The following CCNYL1 variants were observed in gnomAD, a reference collection of about 807,000 sequenced individuals.
CCNYL1 encodes cyclin-Y-like protein 1.
CCNYL1 carries 16 observed loss-of-function variants against 44.2 expected under a neutral mutation model. The ratio of observed to expected loss-of-function variants is 0.36; its 90% CI spans 0.25 to 0.55. CCNYL1 has a LOEUF of 0.55. Ranked by LOEUF, CCNYL1 falls within the 20% of genes least tolerant of loss-of-function variation. The pLI, the probability that CCNYL1 is intolerant of heterozygous loss-of-function variation, is 0.85. For synonymous variants in CCNYL1, 159 were observed against 163.2 expected, an observed-to-expected ratio of 0.97 and a Z score of 0.20; for missense variants, 348 against 451.8, an observed-to-expected ratio of 0.77 and a Z score of 2.08.
chr2:207,749,057 T>C (rs2091874521), intron 8 of CCNYL1, among the ~76,000 whole-genome samples: 1 of 152,212 alleles, frequency 6.6e-6, no homozygotes, highest in South Asian at 2.1e-4. Context: ...GGTGCTCTAG[T>C]TCAAGATACA....
Position 207,711,763 on chromosome 2 carries a change from T to C in CCNYL1, c.-134T>C. ...GAACCGCGGGCGAGGCGGCGTCTGC[T>C]TGCGCGGTGCAGCCCCAGCGTAGCC... On this transcript the variant is annotated 5_prime_UTR_variant, in exon 1 of 10. Transcript: ENST00000295414. 3 of 491,460 alleles carry C rather than the reference T, an allele frequency of 6.1e-6. No homozygotes were observed. Among genetic ancestry groups the C allele is most frequent in the Non-Finnish European group, 9.6e-6 (3 of 313,522 alleles). The allele number at this position is 491,460 out of a possible 1,614,324, so 30.4% of individuals were successfully genotyped here.
intron 8 of CCNYL1, among the ~76,000 whole-genome samples, chr2:207,748,926 A>T (rs34092649): frequency 0.022 from 3,409 of 152,350 alleles, 52 homozygotes; most frequent in Non-Finnish European, 0.033. Context: ...AGTGACTTTG[A>T]TCACTGCTGT....
chr2:207,731,712 G>C (rs1441532512), intron 3 of CCNYL1, among the ~76,000 whole-genome samples: 1 of 151,732 alleles, frequency 6.6e-6, no homozygotes, highest in African/African-American at 2.4e-5. Context: ...CTAGTCTCAA[G>C]AGATATAGTG....
intron 1 of CCNYL1, among the ~76,000 whole-genome samples, chr2:207,720,244 A>G (rs2091630471): frequency 6.6e-6 from 1 of 150,770 alleles, no homozygotes; most frequent in African/African-American, 2.4e-5. Context: ...TTTCAGATAT[A>G]TGGCATATAG....
rs2091774342 is a variant in CCNYL1, at chr2:207,737,452, C to T, written c.467+6C>T. The T allele has an allele frequency of 6.2e-7, 1 of 1,607,932 alleles. No homozygotes were observed. The highest frequency in any genetic ancestry group is 1.3e-5 in the African/African-American group (1 of 74,732). On this transcript the variant is annotated splice_donor_region_variant and intron_variant, in intron 5 of 9. Coordinates refer to ENST00000295414, the MANE Select transcript of CCNYL1 (RefSeq NM_001330218.2). ...TATTACCACATAAAGAACAGGTGAG[C>T]TCCTTTAAAACCTGTCTTGTTATTC... is the stretch of plus-strand genomic sequence containing the variant.
Position 207,711,902 on chromosome 2 carries a change from G to T in CCNYL1, c.6G>T (p.Gly2=). ...GAGAGGAGCGGAGGCTTCCCATGGG[G>T]AACACGCTGACCTGTTGCGTGTCCC... M[G]NTLTCCVSPN... The change falls in exon 1 of 10, where the codon GGG becomes GGT. Residue 2 remains glycine (G), a synonymous_variant. Transcript: ENST00000295414. The T allele has an allele frequency of 7.2e-7, 1 of 1,384,700 alleles. No homozygotes were observed. The highest frequency in any genetic ancestry group is 1.6e-5 in the South Asian group (1 of 60,976). The allele number at this position is 1,384,700 out of a possible 1,614,324, so 85.8% of individuals were successfully genotyped here.
intron 2 of CCNYL1, among the ~76,000 whole-genome samples, chr2:207,725,749 A>G (rs2091675467): frequency 6.6e-6 from 1 of 151,924 alleles, no homozygotes; most frequent in African/African-American, 2.4e-5. Flanking sequence ...ACTTACGTAC[A>G]TTTTCCTTGT....
chr2:207,751,176 G>A, intron 9 of CCNYL1, 57 bp downstream of exon 9: 1 of 1,466,428 alleles, frequency 6.8e-7, no homozygotes, highest in Non-Finnish European at 9.4e-7. Flanking sequence ...GCCAACATCT[G>A]TGACTAAATC....
chr2:207,734,570 A>G (rs1243791881), intron 4 of CCNYL1, among the ~76,000 whole-genome samples: 1 of 132,738 alleles, frequency 7.5e-6, no homozygotes, highest in Non-Finnish European at 1.8e-5. Flanking sequence ...TTTCAAGTTT[A>G]TTTAAAAACC....
At chr2:207,728,760 A>T (rs887390769) in intron 3 of CCNYL1, among the ~76,000 whole-genome samples, 1 of 151,962 alleles carries the variant, frequency 6.6e-6, no homozygotes, top group East Asian at 1.9e-4. Context: ...TATCCCTGAG[A>T]TCCTGAAATT....
chr2:207,731,394 T>C (rs971734084), intron 3 of CCNYL1, among the ~76,000 whole-genome samples: 1 of 152,178 alleles, frequency 6.6e-6, no homozygotes, highest in Non-Finnish European at 1.5e-5. Flanking sequence ...ACCCCTTCCC[T>C]TTCTTGTTAA....
chr2:207,711,955 G>T lies in CCNYL1; in HGVS notation c.59G>T (p.Arg20Leu). ...SPNASPKLGR[R>L]AGSAELYCAS... ...AATGCCAGCCCCAAGCTGGGCCGGC[G>T]CGCGGGGTCGGCGGAGCTGTACTGC... Residue 20 changes from arginine to leucine, a missense_variant, in exon 1 of 10, where the codon CGC becomes CTC. This residue lies in a region of CCNYL1 where 209 missense variants were observed against 247.7 expected (regional missense o/e 0.84). Transcript: ENST00000295414. 1 of 1,400,678 alleles carries T rather than the reference G, an allele frequency of 7.1e-7. No individual in the cohort carries two copies. Among genetic ancestry groups the T allele is most frequent in the East Asian group, 3.0e-5 (1 of 32,824 alleles). The allele number at this position is 1,400,678 out of a possible 1,614,324, so 86.8% of individuals were successfully genotyped here.
At chr2:207,718,989 A>C (rs1215440800) in intron 1 of CCNYL1, among the ~76,000 whole-genome samples, 1 of 151,718 alleles carries the variant, frequency 6.6e-6, no homozygotes, top group Admixed American at 6.6e-5. Flanking sequence ...AAAAAAAAAA[A>C]CTCTCTTTAC....
intron 8 of CCNYL1, among the ~76,000 whole-genome samples, chr2:207,747,804 C>T (rs751355808): frequency 4.9e-4 from 74 of 152,190 alleles, no homozygotes; most frequent in African/African-American, 4.8e-4. Flanking sequence ...GTGATTCGCC[C>T]GCCTCCGTCT....
At chr2:207,733,918 C>T in intron 3 of CCNYL1, 29 bp from the exon 4 acceptor site, 1 of 1,398,370 alleles carries the variant, frequency 7.2e-7, no homozygotes, top group Non-Finnish European at 1.0e-6. Context: ...CTTACTGTGA[C>T]ATTTTCTTCT....
At chr2:207,753,040 G>GA (rs996132956) in intron 9 of CCNYL1, among the ~76,000 whole-genome samples, 1 of 150,752 alleles carries the variant, frequency 6.6e-6, no homozygotes, top group Non-Finnish European at 1.5e-5. Context: ...AAAAAAAAAA[G>GA]AAAAAAATAA....
At chr2:207,717,476 T>G (rs1028576800) in intron 1 of CCNYL1, among the ~76,000 whole-genome samples, 1 of 152,128 alleles carries the variant, frequency 6.6e-6, no homozygotes, top group Non-Finnish European at 1.5e-5. Flanking sequence ...ATCCTTACAT[T>G]CTGGAGGGAG....
At chr2:207,744,721 A>C (rs765809985) in intron 7 of CCNYL1, among the ~76,000 whole-genome samples, 2 of 152,174 alleles carry the variant, frequency 1.3e-5, no homozygotes, top group Non-Finnish European at 2.9e-5. Context: ...GATTTTGAGC[A>C]GGGGAGTGAA....
At chr2:207,723,996 C>T (rs1165998140) in intron 1 of CCNYL1, among the ~76,000 whole-genome samples, 1 of 151,318 alleles carries the variant, frequency 6.6e-6, no homozygotes, top group African/African-American at 2.4e-5. Context: ...ATTCAAGAGT[C>T]TGTTTTGTAG....
Sources: gnomAD v4.1 joint callset for allele counts (sites outside exome capture counted in the v4.1 genomes callset) on GRCh38, gnomAD v4.1.1 for gene constraint, gnomAD v4.1.1 regional missense constraint, MANE v1.5 for transcripts, NCBI Gene and HGNC (gene_info 2026-07-23, HGNC 2026-07-21) for gene names.